The following TAS2R1 variants were observed in gnomAD, a reference collection of about 807,000 sequenced individuals.
TAS2R1 encodes taste receptor type 2 member 1.
For missense variants in TAS2R1, 370 were observed against 353.4 expected (o/e 1.05, Z -0.38); for synonymous variants, 141 against 134.2 (o/e 1.05, Z -0.35).
At chr5:9,778,368 C>G in the TAS2R1 span, among the ~76,000 whole-genome samples, 1 of 152,064 alleles carries the variant, frequency 6.6e-6, no homozygotes, top group Non-Finnish European at 1.5e-5. Context: ...TGTTAAGGGC[C>G]CTAGGATTTC....
chr5:9,629,104 G>A lies in TAS2R1; in HGVS notation c.*29C>T, dbSNP rs1282272724. 6 of 1,511,346 alleles carry A rather than the reference G, an allele frequency of 4.0e-6. No homozygotes were observed. In the Admixed American group the frequency reaches 9.0e-5, roughly 23 times the overall value. The allele number at this position is 1,511,346 out of a possible 1,614,324, so 93.6% of individuals were successfully genotyped here. A position where few individuals can be genotyped will look rare whatever the true frequency, so the allele number is the denominator to read the frequency against. On this transcript the variant is annotated 3_prime_UTR_variant, in exon 1 of 1. Transcript: ENST00000382492. ...AGGCATGGGTAAATCATTGAATCAT[G>A]GGTTCTTTGAACTGATCCAACTTCT...
intron 1 of TAS2R1, among the ~76,000 whole-genome samples, chr5:9,670,453 T>A (rs1740726377): frequency 1.3e-5 from 2 of 152,232 alleles, no homozygotes; most frequent in African/African-American, 2.4e-5. Context: ...ATCTTACTAC[T>A]GTTTTCTGTA....
At chr5:9,666,769 C>T (rs1029982016) in intron 1 of TAS2R1, among the ~76,000 whole-genome samples, 2 of 152,084 alleles carry the variant, frequency 1.3e-5, no homozygotes, top group Admixed American at 1.3e-4. Context: ...GTTACAACAA[C>T]AAATGTGAGC....
the TAS2R1 span, among the ~76,000 whole-genome samples, chr5:9,839,412 C>T: frequency 2.0e-5 from 3 of 152,124 alleles, no homozygotes; most frequent in Non-Finnish European, 4.4e-5. Flanking sequence ...TCTTTTATAA[C>T]GACAAGCAGA....
the TAS2R1 span, among the ~76,000 whole-genome samples, chr5:9,877,219 T>C: frequency 6.6e-6 from 1 of 152,228 alleles, no homozygotes; most frequent in Non-Finnish European, 1.5e-5. Context: ...TGAATGTTTA[T>C]GCATTTTCTT....
the TAS2R1 span, among the ~76,000 whole-genome samples, chr5:9,807,526 T>C: frequency 6.6e-6 from 1 of 152,164 alleles, no homozygotes; most frequent in Admixed American, 6.5e-5. Context: ...AACTAGTAGA[T>C]ATAGAAAATT....
chr5:9,856,238 A>G, the TAS2R1 span, among the ~76,000 whole-genome samples: 1 of 152,178 alleles, frequency 6.6e-6, no homozygotes, highest in Non-Finnish European at 1.5e-5. Context: ...AACTTACTCT[A>G]CTTTGACCTG....
the TAS2R1 span, among the ~76,000 whole-genome samples, chr5:9,798,854 G>A: frequency 1.3e-5 from 2 of 152,172 alleles, no homozygotes; most frequent in Non-Finnish European, 2.9e-5. Flanking sequence ...CATCAGAAAG[G>A]ATGCTCCTTC....
At chr5:9,662,168 A>C (rs1412709442) in intron 1 of TAS2R1, among the ~76,000 whole-genome samples, 1 of 152,212 alleles carries the variant, frequency 6.6e-6, no homozygotes, top group Non-Finnish European at 1.5e-5. Context: ...CCTAATTCCA[A>C]ACGGGTAGAG....
the TAS2R1 span, among the ~76,000 whole-genome samples, chr5:9,755,274 G>A: frequency 7.9e-5 from 12 of 152,114 alleles, no homozygotes; most frequent in Non-Finnish European, 1.3e-4. Flanking sequence ...TAAAGTGAAA[G>A]CAACTTTATT....
chr5:9,841,892 T>C, the TAS2R1 span, among the ~76,000 whole-genome samples: 9,079 of 152,284 alleles, frequency 0.06, 642 homozygotes, highest in East Asian at 0.23. Flanking sequence ...ATCTGAGCTA[T>C]ATAGCATTGC....
chr5:9,726,512 G>T, the TAS2R1 span, among the ~76,000 whole-genome samples: 1 of 152,106 alleles, frequency 6.6e-6, no homozygotes, highest in Non-Finnish European at 1.5e-5. Flanking sequence ...TCTTGCTGCT[G>T]CTCACTCTTT....
At chr5:9,815,096 G>T in the TAS2R1 span, among the ~76,000 whole-genome samples, 3 of 152,210 alleles carry the variant, frequency 2.0e-5, no homozygotes, top group Non-Finnish European at 4.4e-5. Flanking sequence ...ATGTAATTAA[G>T]CTCCCTAAAA....
the TAS2R1 span, among the ~76,000 whole-genome samples, chr5:9,811,821 C>T: frequency 6.6e-6 from 1 of 152,132 alleles, no homozygotes; most frequent in East Asian, 1.9e-4. Flanking sequence ...TTACAGGGCC[C>T]TTATGATGTG....
At chr5:9,856,661 T>C in the TAS2R1 span, among the ~76,000 whole-genome samples, 2 of 152,136 alleles carry the variant, frequency 1.3e-5, no homozygotes, top group Non-Finnish European at 2.9e-5. Context: ...ATAGAGAAAA[T>C]TGTCTATTGA....
intron 1 of TAS2R1, among the ~76,000 whole-genome samples, chr5:9,703,635 A>G (rs550810039): frequency 6.6e-6 from 1 of 152,290 alleles, no homozygotes; most frequent in African/African-American, 2.4e-5. Flanking sequence ...TTTGAGTGGA[A>G]CTTAAATGGC....
At chr5:9,842,322 T>G in the TAS2R1 span, among the ~76,000 whole-genome samples, 360 of 130,534 alleles carry the variant, frequency 2.8e-3, 2 homozygotes, top group East Asian at 9.3e-3. Context: ...CTCTCTTTTT[T>G]TTTTTTTTTT....
At chr5:9,718,854 AAAGTGAAGGGG>A in the TAS2R1 span, among the ~76,000 whole-genome samples, 1 of 152,146 alleles carries the variant, frequency 6.6e-6, no homozygotes, top group South Asian at 2.1e-4. Context: ...TTCTGTTTAA[AAAGTGAAGGGG>A]CTACTGTATT....
At chr5:9,873,741 C>A in the TAS2R1 span, among the ~76,000 whole-genome samples, 1 of 151,668 alleles carries the variant, frequency 6.6e-6, no homozygotes, top group Admixed American at 6.6e-5. Context: ...TGGTGGCCTG[C>A]ACTTGTAGTC....
Sources: gnomAD v4.1 joint callset for allele counts (sites outside exome capture counted in the v4.1 genomes callset) on GRCh38, gnomAD v4.1.1 for gene constraint, MANE v1.5 for transcripts, NCBI Gene and HGNC (gene_info 2026-07-23, HGNC 2026-07-21) for gene names.